The following TAFA5 variants were observed in gnomAD, a reference collection of about 807,000 sequenced individuals.
The protein encoded by TAFA5 is chemokine-like protein TAFA-5.
A neutral mutation model predicts 15.3 loss-of-function variants in TAFA5; 6 were observed. The ratio of observed to expected loss-of-function variants is 0.39; its 90% confidence interval spans 0.21 to 0.77. The LOEUF is 0.77. Ranked by LOEUF, TAFA5 falls within the 30% of genes least tolerant of loss-of-function variation. The pLI, the probability that TAFA5 is intolerant of heterozygous loss-of-function variation, is 0.41. For synonymous variants in TAFA5, 103 were observed against 80.7 expected (o/e 1.28, Z -1.48); for missense variants, 161 against 193.1 (o/e 0.83, Z 0.98).
intron 3 of TAFA5, among the ~76,000 whole-genome samples, chr22:48,746,615 C>T (rs540222975): frequency 2.6e-5 from 4 of 152,290 alleles, no homozygotes; most frequent in African/African-American, 2.4e-5. Context: ...CACAGGGGGA[C>T]GCTCAGAGAG....
intron 2 of TAFA5, among the ~76,000 whole-genome samples, chr22:48,648,392 G>T (rs1926939320): frequency 6.6e-6 from 1 of 152,180 alleles, no homozygotes; most frequent in Non-Finnish European, 1.5e-5. Flanking sequence ...GGGCAGCCTT[G>T]CCCGTGTGCT....
chr22:48,578,873 G>A (rs1030878863), intron 1 of TAFA5, among the ~76,000 whole-genome samples: 5 of 152,172 alleles, frequency 3.3e-5, no homozygotes, highest in African/African-American at 1.2e-4. Flanking sequence ...GGGGGTGGCC[G>A]ACTCTGGTTC....
At chr22:48,547,062 T>G (rs1922699543) in intron 1 of TAFA5, 1 of 153,092 alleles carries the variant, frequency 6.5e-6, no homozygotes, top group Non-Finnish European at 1.5e-5. Flanking sequence ...AAAAATGTGT[T>G]TCCCCCCAGC....
intron 1 of TAFA5, among the ~76,000 whole-genome samples, chr22:48,633,870 G>T (rs1292395638): frequency 1.3e-5 from 2 of 152,238 alleles, no homozygotes; most frequent in East Asian, 3.8e-4. Context: ...GTGTTGATTT[G>T]ATTTCTCAGG....
chr22:48,661,672 G>A (rs1401689283), intron 2 of TAFA5, among the ~76,000 whole-genome samples: 2 of 152,162 alleles, frequency 1.3e-5, no homozygotes, highest in Non-Finnish European at 2.9e-5. Flanking sequence ...GATGCCGGGG[G>A]CTCGTTCCCC....
At position 48,750,212 on chromosome 22, in the gene TAFA5, C is replaced by T. The variant is rs1164254086; in HGVS notation, c.*365C>T. On this transcript the variant is annotated 3_prime_UTR_variant, in exon 4 of 4. Coordinates refer to ENST00000402357, the MANE Select transcript of TAFA5 (RefSeq NM_001082967.3). ...CACAGAAGGCTGCAGCCCAGCCCGC[C>T]TGAGACACGACGCCTGCCCCAGGGG... The T allele has an allele frequency of 2.8e-6, 1 of 357,758 alleles. No individual in the cohort carries two copies. The highest frequency in any genetic ancestry group is 4.4e-5 in the Admixed American group (1 of 22,560). The allele number at this position is 357,758 out of a possible 1,614,324, so 22.2% of individuals were successfully genotyped here. A position where few individuals can be genotyped will look rare whatever the true frequency, so the allele number is the denominator to read the frequency against.
At chr22:48,556,856 T>A (rs1022308559) in intron 1 of TAFA5, among the ~76,000 whole-genome samples, 1 of 152,206 alleles carries the variant, frequency 6.6e-6, no homozygotes, top group Non-Finnish European at 1.5e-5. Context: ...TTGGGGGCAC[T>A]GTCCAGCTCC....
intron 2 of TAFA5, among the ~76,000 whole-genome samples, chr22:48,665,470 C>T (rs902876683): frequency 6.6e-6 from 1 of 152,182 alleles, no homozygotes. Flanking sequence ...ACCCCAAAGC[C>T]GTGAGACGTT....
intron 3 of TAFA5, among the ~76,000 whole-genome samples, chr22:48,743,661 G>C (rs909796875): frequency 4.6e-5 from 7 of 152,188 alleles, no homozygotes; most frequent in Non-Finnish European, 8.8e-5. Flanking sequence ...AGCGGACTGT[G>C]GGGGAGCTGG....
chr22:48,659,764 G>T (rs1181236975), intron 2 of TAFA5, among the ~76,000 whole-genome samples: 3 of 3,704 alleles, frequency 8.1e-4, no homozygotes, highest in Non-Finnish European at 1.1e-3. Flanking sequence ...GGCCTTTTTG[G>T]TGGGGAACAA....
At chr22:48,701,197 A>G (rs1478545719) in intron 2 of TAFA5, among the ~76,000 whole-genome samples, 2 of 152,152 alleles carry the variant, frequency 1.3e-5, no homozygotes, top group Non-Finnish European at 2.9e-5. Flanking sequence ...GGCAGAGGGT[A>G]GAGGCCCCTG....
intron 1 of TAFA5, among the ~76,000 whole-genome samples, chr22:48,571,559 C>G (rs921545571): frequency 3.0e-5 from 4 of 135,076 alleles, no homozygotes; most frequent in African/African-American, 5.6e-5. Context: ...AGGCATGAGC[C>G]ACTGTGCCTG....
rs544054290 is a variant in TAFA5, at chr22:48,658,279, C to G, written c.262+11533C>G. On this transcript the variant is annotated intron_variant, in intron 2 of 3. Transcript: ENST00000402357. ...AGCGAGGTCTTACGACTGCTGCGTT[C>G]CTATTATGGCCCATCTGGGGATTCC... is the stretch of plus-strand genomic sequence containing the variant. Among the ~76,000 whole-genome samples, 3 of 152,310 alleles carry G rather than the reference C, an allele frequency of 2.0e-5. No homozygotes were observed. The East Asian group carries it at 5.8e-4, about 29-fold the overall frequency.
chr22:48,591,620 C>T (rs1362543516), intron 1 of TAFA5, among the ~76,000 whole-genome samples: 1 of 152,226 alleles, frequency 6.6e-6, no homozygotes, highest in African/African-American at 2.4e-5. Flanking sequence ...AGAGCCTGCT[C>T]CAGGGCAGCG....
At chr22:48,651,092 G>A (rs1045061156) in intron 2 of TAFA5, among the ~76,000 whole-genome samples, 1 of 152,214 alleles carries the variant, frequency 6.6e-6, no homozygotes, top group East Asian at 1.9e-4. Context: ...GAAGAGAGGT[G>A]CTGTCTCCCA....
intron 1 of TAFA5, among the ~76,000 whole-genome samples, chr22:48,575,212 A>G (rs1202061144): frequency 3.9e-5 from 6 of 152,120 alleles, no homozygotes; most frequent in African/African-American, 1.4e-4. Context: ...CCGCGCCAGC[A>G]GGGCCGGCTC....
intron 1 of TAFA5, among the ~76,000 whole-genome samples, chr22:48,622,580 G>A (rs116054595): frequency 0.011 from 1,744 of 152,312 alleles, 31 homozygotes; most frequent in African/African-American, 0.039. Flanking sequence ...TCAGCTGGCC[G>A]AGGTTGAGGC....
intron 1 of TAFA5, among the ~76,000 whole-genome samples, chr22:48,577,060 G>A (rs566625450): frequency 6.6e-6 from 1 of 152,338 alleles, no homozygotes; most frequent in East Asian, 1.9e-4. Flanking sequence ...CTGTTCCCCA[G>A]GGCCCAAGCC....
At chr22:48,547,014 TAA>T in intron 1 of TAFA5, 1 of 153,210 alleles carries the variant, frequency 6.5e-6, no homozygotes. Flanking sequence ...AAAGAGGAGC[TAA>T]GTTTGATAAA....
Sources: allele counts gnomAD v4.1 joint callset (sites outside exome capture counted in the v4.1 genomes callset), GRCh38; gene constraint gnomAD v4.1.1; transcripts MANE v1.5; gene names NCBI Gene and HGNC (gene_info 2026-07-23, HGNC 2026-07-21).